Variants in GCC2 observed in about 807,000 individuals in gnomAD.
GCC2 encodes GRIP and coiled-coil domain-containing protein 2.
GCC2 carries 120 observed loss-of-function variants against 210.6 expected under a neutral mutation model. The ratio of observed to expected loss-of-function variants is 0.57; its 90% confidence interval spans 0.49 to 0.66. The LOEUF (loss-of-function observed/expected upper bound fraction) is 0.66. GCC2 is among the 30% of genes least tolerant of loss of function. GCC2 has a pLI of 0.00. For synonymous variants in GCC2, 703 were observed against 652.7 expected, an observed-to-expected ratio of 1.08 and a Z score of -1.17; for missense variants, 1,868 against 1,871.9, an observed-to-expected ratio of 1.00 and a Z score of 0.04.
At chr2:108,503,873 A>G (rs1420708152) in intron 22 of GCC2, among the ~76,000 whole-genome samples, 1 of 152,186 alleles carries the variant, frequency 6.6e-6, no homozygotes, top group Non-Finnish European at 1.5e-5. Flanking sequence ...GTTTGGGAAG[A>G]CCAGGCAGGA....
chr2:108,449,687 A>C lies in GCC2; in HGVS notation c.61A>C (p.Lys21Gln). ...AGCTACCCCTGGGACCGGGAAATCT[A>C]AGGTGAAGAGAATACTTGAATAGCG... ...SPATPGTGKS[K>Q]LETLPKEDLI... is the part of the protein sequence containing the mutation. The change falls in exon 2 of 23, where the codon AAG (lysine) becomes CAG (glutamine). Residue 21 changes from lysine (K) to glutamine (Q), a missense_variant and splice_region_variant. This residue lies in a region of GCC2 where 1,847 missense variants were observed against 1,765.2 expected (regional missense o/e 1.05). Coordinates refer to ENST00000309863, the MANE Select transcript of GCC2 (RefSeq NM_181453.4). 7 of 1,612,224 alleles carry C rather than the reference A, an allele frequency of 4.3e-6. No homozygotes were observed. In the South Asian group the frequency reaches 7.7e-5, roughly 18 times the overall value.
intron 10 of GCC2, 73 bp downstream of exon 10, chr2:108,481,889 A>C: frequency 1.8e-6 from 2 of 1,140,870 alleles, no homozygotes; most frequent in Non-Finnish European, 2.5e-6. Flanking sequence ...TTGCATAAAA[A>C]ATTTAAAAAA....
intron 21 of GCC2, 85 bp downstream of exon 21, chr2:108,497,194 G>A: frequency 2.5e-6 from 4 of 1,602,890 alleles, no homozygotes; most frequent in Non-Finnish European, 3.4e-6. Flanking sequence ...TCAGCTCACT[G>A]CAAGCTCCAC....
rs1357831695 is a variant in GCC2 at position 108,469,354 on chromosome 2, A to G, written c.321+270A>G. The stretch of plus-strand genomic sequence containing the variant: ...AAAAGTAAGTTGATTTTCACACATG[A>G]CTAAATACCATTATCTCTTTAGTTC... On this transcript the variant is annotated intron_variant, in intron 5 of 22. Coordinates refer to ENST00000309863, the MANE Select transcript of GCC2 (RefSeq NM_181453.4). The G allele has an allele frequency of 7.0e-6, 3 of 428,326 alleles. No homozygotes were observed. In the East Asian group the frequency reaches 1.1e-4, roughly 16 times the overall value. The allele number at this position is 428,326 out of a possible 1,614,324, so 26.5% of individuals were successfully genotyped here. A position where few individuals can be genotyped will look rare whatever the true frequency, so the allele number is the denominator to read the frequency against.
In GCC2 at chr2:108,470,046, A is replaced by C. The variant is rs1200754713; in HGVS notation, c.717A>C (p.Glu239Asp). The change falls in exon 6 of 23, where the codon GAA (glutamate) becomes GAC (aspartate). Residue 239 changes from glutamate to aspartate, a missense_variant. By Grantham distance (45) the Glu-to-Asp change is conservative. This residue lies in a region of GCC2 where 1,847 missense variants were observed against 1,765.2 expected (regional missense o/e 1.05). Coordinates refer to ENST00000309863, the MANE Select transcript of GCC2 (RefSeq NM_181453.4). ...AAAAAAATATTAATAGTTTGCAGGA[A>C]GAGCTTTTACAGTTGAAAGCTATAC... ...HYQKNINSLQ[E>D]ELLQLKAIHQ... 2 of 1,613,294 alleles carry C rather than the reference A, an allele frequency of 1.2e-6. No individual in the cohort carries two copies. The highest frequency in any genetic ancestry group is 3.3e-5 in the Admixed American group (2 of 59,890).
chr2:108,502,085 AAAG>A (rs1030418246), intron 22 of GCC2, among the ~76,000 whole-genome samples: 4 of 152,216 alleles, frequency 2.6e-5, no homozygotes, highest in Non-Finnish European at 5.9e-5. Flanking sequence ...TGATTATAAA[AAAG>A]AAGAAATCTA....
At chr2:108,485,026 A>G (rs1225226125) in intron 13 of GCC2, among the ~76,000 whole-genome samples, 1 of 152,022 alleles carries the variant, frequency 6.6e-6, no homozygotes, top group Non-Finnish European at 1.5e-5. Flanking sequence ...TTGTAGGGAC[A>G]TGGATGAAAT....
At chr2:108,459,415 A>G (rs1275022364) in intron 4 of GCC2, among the ~76,000 whole-genome samples, 1 of 152,232 alleles carries the variant, frequency 6.6e-6, no homozygotes, top group East Asian at 1.9e-4. Context: ...TCTTTTCTGA[A>G]GAATGAATGT....
chr2:108,489,983 A>G lies in GCC2; in HGVS notation c.4198A>G (p.Thr1400Ala), dbSNP rs532944652. 1 of 1,607,856 alleles carries G rather than the reference A, an allele frequency of 6.2e-7. No individual in the cohort carries two copies. Among genetic ancestry groups the G allele is most frequent in the Admixed American group, 1.7e-5 (1 of 58,556 alleles). Residue 1400 changes from threonine to alanine, a missense_variant, in exon 18 of 23, where the codon ACT becomes GCT. By Grantham distance (58) the Thr-to-Ala change is moderately conservative. Transcript: ENST00000309863. The part of the protein sequence containing the change: ...LERHNKMLQE[T>A]VSKEAELREK... Reference sequence around the variant, plus strand: ...AAGGCACAACAAGATGCTGCAGGAAACTGTGTCCAAAGAGGCGGAACTCCG... The same window carrying G: ...AAGGCACAACAAGATGCTGCAGGAAGCTGTGTCCAAAGAGGCGGAACTCCG...
intron 4 of GCC2, among the ~76,000 whole-genome samples, chr2:108,466,357 A>G (rs970231877): frequency 4.6e-5 from 7 of 151,786 alleles, no homozygotes; most frequent in African/African-American, 1.5e-4. Flanking sequence ...CATTTTCTTA[A>G]TGGGCCAGTG....
At chr2:108,493,700 A>G in intron 19 of GCC2, 1 of 985,430 alleles carries the variant, frequency 1.0e-6, no homozygotes, top group Non-Finnish European at 1.2e-6. Flanking sequence ...CCCATGGGAA[A>G]TATTGTCACT....
intron 4 of GCC2, among the ~76,000 whole-genome samples, chr2:108,466,284 G>T (rs1364432696): frequency 6.6e-6 from 1 of 151,346 alleles, no homozygotes; most frequent in South Asian, 2.1e-4. Context: ...CTCATGACCC[G>T]CCCACCTCAG....
At chr2:108,472,585 T>C (rs1000777382) in intron 6 of GCC2, among the ~76,000 whole-genome samples, 1 of 151,962 alleles carries the variant, frequency 6.6e-6, no homozygotes, top group Admixed American at 6.6e-5. Flanking sequence ...TATCAGGTTG[T>C]TTATCTTGGC....
chr2:108,463,391 T>C (rs1026700706), intron 4 of GCC2, among the ~76,000 whole-genome samples: 1 of 152,234 alleles, frequency 6.6e-6, no homozygotes, highest in African/African-American at 2.4e-5. Context: ...TCTTTAGTAT[T>C]GCTTGGGTAG....
Position 108,492,557 on chromosome 2 carries a change from G to A in GCC2, c.4230-16G>A, listed in dbSNP as rs767878347. On this transcript the variant is annotated splice_polypyrimidine_tract_variant and intron_variant, in intron 18 of 22. Transcript: ENST00000309863. ...AAGTTGAAAGATCTTCTGTAACTAA[G>A]TTTCTCATCTTTCAGATTGTGTTCA... The A allele has an allele frequency of 2.6e-6, 4 of 1,544,036 alleles. No individual in the cohort carries two copies. The highest frequency in any genetic ancestry group is 3.6e-6 in the Non-Finnish European group (4 of 1,116,548).
chr2:108,478,153 G>T (rs1434276017), intron 9 of GCC2, among the ~76,000 whole-genome samples: 4 of 152,070 alleles, frequency 2.6e-5, no homozygotes, highest in Admixed American at 6.5e-5. Flanking sequence ...TGTGTAACTT[G>T]CTCTTATGAA....
chr2:108,470,170 G>A lies in GCC2; in HGVS notation c.841G>A (p.Val281Ile). The A allele has an allele frequency of 6.2e-7, 1 of 1,613,554 alleles. No homozygotes were observed. Among genetic ancestry groups the A allele is most frequent in the Non-Finnish European group, 8.5e-7 (1 of 1,179,810 alleles). Residue 281 changes from valine to isoleucine, a missense_variant, in exon 6 of 23, where the codon GTA becomes ATA. This residue lies in a region of GCC2 where 1,847 missense variants were observed against 1,765.2 expected (regional missense o/e 1.05). Transcript: ENST00000309863. The stretch of plus-strand genomic sequence containing the variant: ...GTTGAACGAGCTAAAAGAGAACTTA[G>A]TAAAACAATGTGAGGCAAGTGAAAA... ...NKLNELKENL[V>I]KQCEASEKNI...
At chr2:108,496,308 A>G (rs1292251994) in intron 20 of GCC2, 2 of 152,628 alleles carry the variant, frequency 1.3e-5, no homozygotes, top group African/African-American at 4.8e-5. Context: ...TTACTGTTCA[A>G]AATTTAGGGG....
chr2:108,461,378 T>C (rs1680560371), intron 4 of GCC2, among the ~76,000 whole-genome samples: 1 of 152,194 alleles, frequency 6.6e-6, no homozygotes, highest in African/African-American at 2.4e-5. Flanking sequence ...GGAGAATACC[T>C]TTTTGCATTG....
Sources: gnomAD v4.1 joint callset for allele counts (sites outside exome capture counted in the v4.1 genomes callset) on GRCh38, gnomAD v4.1.1 for gene constraint, gnomAD v4.1.1 regional missense constraint, MANE v1.5 for transcripts, NCBI Gene and HGNC (gene_info 2026-07-23, HGNC 2026-07-21) for gene names.